The following KIAA1217 variants were observed in gnomAD, a reference collection of about 807,000 sequenced individuals.
KIAA1217 encodes KIAA1217.
KIAA1217 carries 88 observed loss-of-function variants against 163.9 expected under a neutral mutation model. The observed-to-expected ratio is 0.54, with a 90% CI of 0.45 to 0.64. The LOEUF is 0.64. Ranked by LOEUF, KIAA1217 falls within the 30% of genes least tolerant of loss-of-function variation. KIAA1217 has a pLI of 0.00. For missense variants in KIAA1217, 2,372 were observed against 2,475.0 expected, an observed-to-expected ratio of 0.96 and a Z score of 0.88; for synonymous variants, 903 against 923.1, an observed-to-expected ratio of 0.98 and a Z score of 0.39.
rs1487056671 is a variant in KIAA1217 at position 23,790,479 on chromosome 10, G to A, written c.-321+95245G>A. On this transcript the variant is annotated intron_variant, in intron 1 of 18. Transcript: ENST00000376462. Reference sequence around the variant, plus strand: ...TGTGCATATATACATATATACATGTGCATATATACATATATACATGTGCAT... The same window carrying A: ...TGTGCATATATACATATATACATGTACATATATACATATATACATGTGCAT... 7.0e-5 allele frequency among the ~76,000 whole-genome samples: 7 copies of A among 99,402 alleles called. 1 individual carries two copies. Among genetic ancestry groups the A allele is most frequent in the African/African-American group, 2.7e-4 (5 of 18,792 alleles). The allele number at this position is 99,402 out of a possible 152,430, so 65.2% of individuals were successfully genotyped here. A position where few individuals can be genotyped will look rare whatever the true frequency, so the allele number is the denominator to read the frequency against.
chr10:24,486,833 A>G (rs1271161471), intron 6 of KIAA1217, among the ~76,000 whole-genome samples: 1 of 151,992 alleles, frequency 6.6e-6, no homozygotes, highest in Non-Finnish European at 1.5e-5. Context: ...AAGGTTTATC[A>G]TCTATTTCGC....
intron 2 of KIAA1217, among the ~76,000 whole-genome samples, chr10:24,112,832 C>T (rs191433225): frequency 9.5e-4 from 144 of 152,026 alleles, no homozygotes; most frequent in African/African-American, 3.0e-3. Context: ...ATGATCCTCC[C>T]GCCTCAGCCT....
At chr10:23,935,199 G>A (rs1174252960) in intron 1 of KIAA1217, among the ~76,000 whole-genome samples, 1 of 152,188 alleles carries the variant, frequency 6.6e-6, no homozygotes, top group East Asian at 1.9e-4. Context: ...CCTTCCGTGT[G>A]TGGAATTCTT....
chr10:23,841,069 T>G (rs1838756247), intron 1 of KIAA1217, among the ~76,000 whole-genome samples: 2 of 152,216 alleles, frequency 1.3e-5, no homozygotes, highest in African/African-American at 2.4e-5. Context: ...AAAGTTGATA[T>G]GAATATTAAA....
At chr10:24,231,044 C>G (rs990532404) in intron 2 of KIAA1217, among the ~76,000 whole-genome samples, 1 of 152,178 alleles carries the variant, frequency 6.6e-6, no homozygotes, top group African/African-American at 2.4e-5. Context: ...GACTGGGGAC[C>G]AGTCTGCCTC....
At chr10:24,200,203 T>C (rs2067187717) in intron 2 of KIAA1217, among the ~76,000 whole-genome samples, 1 of 151,562 alleles carries the variant, frequency 6.6e-6, no homozygotes. Context: ...ACTTTTTTCA[T>C]TATTTTTTAA....
chr10:24,200,350 G>A (rs893853912), intron 2 of KIAA1217, among the ~76,000 whole-genome samples: 1 of 151,802 alleles, frequency 6.6e-6, no homozygotes, highest in Non-Finnish European at 1.5e-5. Flanking sequence ...ATGAGGTCTC[G>A]CTGTGTTGCC....
chr10:24,418,000 T>G (rs1304142873), intron 3 of KIAA1217, among the ~76,000 whole-genome samples: 1 of 151,884 alleles, frequency 6.6e-6, no homozygotes, highest in Admixed American at 6.6e-5. Flanking sequence ...CAGGCTGGAG[T>G]GCAGTGGTAC....
chr10:24,177,265 A>ATATG (rs1389768671), intron 2 of KIAA1217, among the ~76,000 whole-genome samples: 1 of 74,158 alleles, frequency 1.3e-5, no homozygotes, highest in Admixed American at 1.3e-4. Context: ...CATCATATAT[A>ATATG]TATATATATA....
chr10:24,461,049 GT>G (rs1335536139), intron 5 of KIAA1217, among the ~76,000 whole-genome samples: 1 of 152,066 alleles, frequency 6.6e-6, no homozygotes, highest in African/African-American at 2.4e-5. Context: ...TGGCCATATG[GT>G]TTCCAAGTTG....
chr10:23,790,449 A>G (rs1179893978), intron 1 of KIAA1217, among the ~76,000 whole-genome samples: 1 of 107,184 alleles, frequency 9.3e-6, no homozygotes, highest in African/African-American at 4.8e-5. Context: ...ATATACATAT[A>G]TACATGTGCA....
In KIAA1217 at chr10:23,921,138, G is replaced by A. The variant is rs1441271942; in HGVS notation, c.-320-86087G>A. ...ATACACAGCTTATATTAAACTTTTT[G>A]TTTGTTTTAAAGTCAAAACATCACT... On this transcript the variant is annotated intron_variant, in intron 1 of 18. Transcript: ENST00000376462. 2.0e-5 allele frequency among the ~76,000 whole-genome samples: 3 copies of A among 152,026 alleles called. No homozygotes were observed. In the East Asian group the frequency reaches 5.8e-4, roughly 29 times the overall value.
chr10:24,049,698 A>G (rs1312874081), intron 2 of KIAA1217, among the ~76,000 whole-genome samples: 1 of 152,148 alleles, frequency 6.6e-6, no homozygotes, highest in East Asian at 1.9e-4. Flanking sequence ...TTCTTTATCC[A>G]GTCTATCATT....
chr10:24,165,770 G>A lies in KIAA1217; in HGVS notation c.-170-53856G>A, dbSNP rs575284479. Among the ~76,000 whole-genome samples the A allele has an allele frequency of 2.6e-4, 39 of 152,236 alleles. No homozygotes were observed. The South Asian group carries it at 5.8e-3, about 23-fold the overall frequency. ...CCATAACTGGAAAAATTAAACAAAT[G>A]AAACTATTTCATGTTTTCAACACTG... On this transcript the variant is annotated intron_variant, in intron 2 of 18. Coordinates refer to the KIAA1217 transcript ENST00000376462.
chr10:23,788,993 A>G (rs1835615481), intron 1 of KIAA1217, among the ~76,000 whole-genome samples: 1 of 152,228 alleles, frequency 6.6e-6, no homozygotes, highest in Non-Finnish European at 1.5e-5. Flanking sequence ...TACAGTGTGA[A>G]AGGGTCAATG....
chr10:24,187,100 T>C (rs2066470618), intron 2 of KIAA1217, among the ~76,000 whole-genome samples: 1 of 151,290 alleles, frequency 6.6e-6, no homozygotes, highest in Non-Finnish European at 1.5e-5. Flanking sequence ...ACAGCCCTGG[T>C]CTGCCAGTCT....
intron 2 of KIAA1217, among the ~76,000 whole-genome samples, chr10:24,079,510 A>AT (rs545108651): frequency 6.2e-4 from 95 of 152,320 alleles, no homozygotes; most frequent in African/African-American, 2.1e-3. Context: ...ATGGTATTGT[A>AT]TTGCCATAAA....
At chr10:23,752,140 C>T (rs1839769489) in intron 1 of KIAA1217, among the ~76,000 whole-genome samples, 1 of 150,760 alleles carries the variant, frequency 6.6e-6, no homozygotes, top group Non-Finnish European at 1.5e-5. Context: ...AATAATAACT[C>T]AAGTAATTTT....
At chr10:24,486,079 C>G (rs2133470640) in intron 6 of KIAA1217, among the ~76,000 whole-genome samples, 1 of 152,340 alleles carries the variant, frequency 6.6e-6, no homozygotes, top group South Asian at 2.1e-4. Flanking sequence ...TTTCCTGGCT[C>G]CAGCCATTGC....
Sources: gnomAD v4.1 joint callset for allele counts (sites outside exome capture counted in the v4.1 genomes callset) on GRCh38, gnomAD v4.1.1 for gene constraint, MANE v1.5 for transcripts, NCBI Gene and HGNC (gene_info 2026-07-23, HGNC 2026-07-21) for gene names.